Variants in HKDC1 observed in about 807,000 individuals in gnomAD.
HKDC1 encodes the protein hexokinase HKDC1.
In HKDC1, 66 loss-of-function variants were observed where a neutral mutation model predicts 96.6. That is an observed-to-expected ratio of 0.68 (90% CI 0.56 to 0.84). HKDC1 has a LOEUF of 0.84. HKDC1 is among the 40% of genes least tolerant of loss of function. HKDC1 has a pLI of 0.00. For missense variants in HKDC1, 1,211 were observed against 1,208.1 expected, an observed-to-expected ratio of 1.00 and a Z score of -0.04; for synonymous variants, 466 against 473.1, an observed-to-expected ratio of 0.98 and a Z score of 0.20.
chr10:69,236,148 G>A (rs1453903584), intron 4 of HKDC1, among the ~76,000 whole-genome samples: 5 of 145,810 alleles, frequency 3.4e-5, no homozygotes, highest in East Asian at 2.0e-4. Context: ...GAGCTCTGTC[G>A]CCCAGGCTGG....
At chr10:69,256,984 C>T (rs375147242) in intron 12 of HKDC1, 52 bp from the exon 13 acceptor site, 12 of 1,334,050 alleles carry the variant, frequency 9.0e-6, no homozygotes, top group Non-Finnish European at 1.3e-5. Flanking sequence ...TGAGGTTGTG[C>T]AGTGGCCCTA....
chr10:69,221,721 T>G (rs1454537023), intron 1 of HKDC1, among the ~76,000 whole-genome samples: 1 of 151,900 alleles, frequency 6.6e-6, no homozygotes, highest in Non-Finnish European at 1.5e-5. Context: ...AAACTTGAGG[T>G]CAGGAGTTTG....
At chr10:69,243,598 G>A (rs746360458) in intron 7 of HKDC1, among the ~76,000 whole-genome samples, 19 of 149,680 alleles carry the variant, frequency 1.3e-4, no homozygotes, top group Non-Finnish European at 2.7e-4. Context: ...CCAGGCTCAA[G>A]CAATCCTCCC....
chr10:69,250,329 A>G lies in HKDC1; in HGVS notation c.1610A>G (p.Asn537Ser). ...KFLALDLGGT[N>S]FRVLLVKIRS... ...CTCGCCCTGGATCTTGGGGGAACCA[A>G]CTTCCGGGTCCTCCTGGTGAAGATC... The change falls in exon 11 of 18, where the codon AAC becomes AGC. Residue 537 changes from asparagine (N) to serine (S), a missense_variant. By Grantham distance (46) the Asn-to-Ser change is conservative. Transcript: ENST00000354624. The G allele has an allele frequency of 6.2e-7, 1 of 1,614,032 alleles. No individual in the cohort carries two copies. Among genetic ancestry groups the G allele is most frequent in the Non-Finnish European group, 8.5e-7 (1 of 1,179,936 alleles).
Position 69,260,738 on chromosome 10 carries a change from C to T in HKDC1, c.2217-401C>T, listed in dbSNP as rs553031064. Among the ~76,000 whole-genome samples the T allele has an allele frequency of 5.3e-5, 8 of 152,228 alleles. No homozygotes were observed. The South Asian group carries it at 6.2e-4, about 12-fold the overall frequency. On this transcript the variant is annotated intron_variant, in intron 15 of 17. Transcript: ENST00000354624. ...GCTCTCTTGACCCTCATGGAGCTCA[C>T]GGTCTGGTAGAAAGGAGGAAGGGAA... is the stretch of plus-strand genomic sequence containing the variant.
intron 1 of HKDC1, among the ~76,000 whole-genome samples, chr10:69,222,700 A>G (rs1379291811): frequency 1.3e-5 from 2 of 152,164 alleles, no homozygotes; most frequent in African/African-American, 4.8e-5. Context: ...GCCTTTTTCA[A>G]TGCCGGGAGC....
chr10:69,256,213 A>G (rs1284846958), intron 12 of HKDC1, among the ~76,000 whole-genome samples: 1 of 152,210 alleles, frequency 6.6e-6, no homozygotes, highest in Non-Finnish European at 1.5e-5. Flanking sequence ...TGTGGAAAAC[A>G]CCTTTCTCTC....
chr10:69,246,564 C>A (rs538103630), intron 8 of HKDC1, among the ~76,000 whole-genome samples: 1 of 152,174 alleles, frequency 6.6e-6, no homozygotes, highest in African/African-American at 2.4e-5. Context: ...CCCTTAGCCC[C>A]GAAAATGTAC....
intron 12 of HKDC1, among the ~76,000 whole-genome samples, chr10:69,254,793 A>G (rs185138387): frequency 6.6e-6 from 1 of 152,338 alleles, no homozygotes; most frequent in African/African-American, 2.4e-5. Flanking sequence ...CACAGCGTGA[A>G]TTTACTTACT....
chr10:69,232,638 A>C (rs767692707), intron 2 of HKDC1, 126 bp from the exon 3 acceptor site: 5 of 888,434 alleles, frequency 5.6e-6, no homozygotes, highest in Non-Finnish European at 7.1e-6. Context: ...GCCTTGGCAA[A>C]TGAGCATAAT....
intron 12 of HKDC1, among the ~76,000 whole-genome samples, chr10:69,256,304 A>T (rs1044299267): frequency 6.6e-6 from 1 of 152,206 alleles, no homozygotes; most frequent in Admixed American, 6.5e-5. Context: ...ATAGATCCAT[A>T]CTGTTGGAGT....
Position 69,261,303 on chromosome 10 carries a change from T to G in HKDC1, c.2372+9T>G. Reference sequence around the variant, plus strand: ...CTGTCCCAGATCGAAAGGTGACCTGTGATCAAGTTCATCATGAGGCTCTGA... The same window carrying G: ...CTGTCCCAGATCGAAAGGTGACCTGGGATCAAGTTCATCATGAGGCTCTGA... On this transcript the variant is annotated intron_variant, in intron 16 of 17. Transcript: ENST00000354624. The G allele has an allele frequency of 1.9e-6, 3 of 1,612,776 alleles. No individual in the cohort carries two copies. The highest frequency in any genetic ancestry group is 2.5e-6 in the Non-Finnish European group (3 of 1,178,838).
intron 1 of HKDC1, chr10:69,226,066 C>G (rs756232625): frequency 2.0e-5 from 3 of 152,180 alleles, no homozygotes; most frequent in African/African-American, 4.8e-5. Context: ...CCTCCTGCCC[C>G]CATCAATAAT....
At chr10:69,257,471 A>C in intron 14 of HKDC1, 45 bp downstream of exon 14, 1 of 1,391,574 alleles carries the variant, frequency 7.2e-7, no homozygotes, top group Non-Finnish European at 1.0e-6. Context: ...CACTGTATCC[A>C]TTGATGGTTT....
chr10:69,257,902 A>C (rs1468512065), intron 14 of HKDC1, among the ~76,000 whole-genome samples: 1 of 152,152 alleles, frequency 6.6e-6, no homozygotes, highest in African/African-American at 2.4e-5. Context: ...GAAGTCTGGC[A>C]GTGATTAAGG....
chr10:69,238,886 G>C (rs1843406383), intron 4 of HKDC1, among the ~76,000 whole-genome samples, 156 bp from the exon 5 acceptor site: 1 of 152,166 alleles, frequency 6.6e-6, no homozygotes, highest in Non-Finnish European at 1.5e-5. Context: ...TAAATTATTA[G>C]AAAAGGCTGC....
chr10:69,250,665 C>CA lies in HKDC1; in HGVS notation c.1836+14dup, dbSNP rs766260081. On this transcript the variant is annotated intron_variant, in intron 12 of 17. Coordinates refer to ENST00000354624, the MANE Select transcript of HKDC1 (RefSeq NM_025130.4). Reference sequence around the variant, plus strand: ...GAGCATTGACAAGGTAAGATAGCCCCACCAGGCTCACGGCCAGCCCAGTGG... The same window carrying CA: ...GAGCATTGACAAGGTAAGATAGCCCCAACCAGGCTCACGGCCAGCCCAGTGG... The CA allele has an allele frequency of 3.3e-5, 54 of 1,612,496 alleles. 1 individual carries two copies. The South Asian group carries it at 5.7e-4, about 17-fold the overall frequency.
chr10:69,224,419 G>A (rs1008941473), intron 1 of HKDC1, among the ~76,000 whole-genome samples: 1 of 151,946 alleles, frequency 6.6e-6, no homozygotes, highest in Admixed American at 6.6e-5. Context: ...AAGTAGCTGG[G>A]ACTACAGGCG....
chr10:69,225,362 T>C (rs972345884), intron 1 of HKDC1, among the ~76,000 whole-genome samples: 2 of 152,208 alleles, frequency 1.3e-5, no homozygotes, highest in African/African-American at 4.8e-5. Flanking sequence ...GTCCTTTGCA[T>C]CCAGTTTTCT....
Sources: allele counts gnomAD v4.1 joint callset (sites outside exome capture counted in the v4.1 genomes callset), GRCh38; gene constraint gnomAD v4.1.1; transcripts MANE v1.5; gene names NCBI Gene and HGNC (gene_info 2026-07-23, HGNC 2026-07-21).